The following SUMF1 variants were observed in gnomAD, a reference collection of about 807,000 sequenced individuals.
SUMF1 encodes sulfatase modifying factor 1.
Under a neutral mutation model 47.6 loss-of-function variants are expected in SUMF1, and 48 were observed. The ratio of observed to expected loss-of-function variants is 1.01; its 90% CI spans 0.80 to 1.28. The LOEUF (loss-of-function observed/expected upper bound fraction) is 1.28. SUMF1 is among the 50% of genes most tolerant of loss of function. The pLI, the probability that SUMF1 is intolerant of heterozygous loss-of-function variation, is 0.00. For synonymous variants in SUMF1, 230 were observed against 192.1 expected (o/e 1.20, Z -1.63); for missense variants, 571 against 485.4 (o/e 1.18, Z -1.66).
chr3:4,089,523 T>C (rs1465658312), intron 8 of SUMF1, among the ~76,000 whole-genome samples: 1 of 152,164 alleles, frequency 6.6e-6, no homozygotes, highest in East Asian at 1.9e-4. Flanking sequence ...TCTTTGTCTA[T>C]TTTCCCAATG....
chr3:4,345,610 G>A (rs978239652), intron 8 of SUMF1, among the ~76,000 whole-genome samples: 5 of 152,280 alleles, frequency 3.3e-5, no homozygotes, highest in Non-Finnish European at 2.9e-5. Context: ...ATGACACTAC[G>A]AAGAAACTGC....
chr3:4,350,877 C>T (rs1699485754), intron 8 of SUMF1, among the ~76,000 whole-genome samples: 1 of 151,984 alleles, frequency 6.6e-6, no homozygotes, highest in Non-Finnish European at 1.5e-5. Flanking sequence ...TCCTAGCCTT[C>T]CCAAATCCAC....
At chr3:4,256,439 T>C (rs372889140) in intron 8 of SUMF1, among the ~76,000 whole-genome samples, 13 of 143,012 alleles carry the variant, frequency 9.1e-5, no homozygotes, top group East Asian at 6.0e-4. Flanking sequence ...GGGATATCAC[T>C]ACCGATCCCA....
intron 8 of SUMF1, among the ~76,000 whole-genome samples, chr3:4,142,207 T>C (rs138428966): frequency 1.1e-3 from 174 of 152,242 alleles, no homozygotes; most frequent in Non-Finnish European, 5.9e-5. Context: ...TTCTCTATTG[T>C]TGAGAAACAG....
intron 8 of SUMF1, among the ~76,000 whole-genome samples, chr3:4,092,618 T>C (rs1405636017): frequency 6.6e-6 from 1 of 152,146 alleles, no homozygotes; most frequent in Non-Finnish European, 1.5e-5. Context: ...TAAAGACTCA[T>C]ACAAGAAAAA....
chr3:4,037,231 G>C (rs1694817202), intron 9 of SUMF1, among the ~76,000 whole-genome samples: 1 of 152,122 alleles, frequency 6.6e-6, no homozygotes, highest in African/African-American at 2.4e-5. Flanking sequence ...ACATAGCAAA[G>C]ATAAAATTGA....
chr3:4,232,453 G>A (rs1451126674), intron 8 of SUMF1, among the ~76,000 whole-genome samples: 1 of 152,078 alleles, frequency 6.6e-6, no homozygotes, highest in Non-Finnish European at 1.5e-5. Flanking sequence ...CCAAGAGAAG[G>A]AGGCTCTGTG....
At chr3:4,252,797 A>G in intron 8 of SUMF1, among the ~76,000 whole-genome samples, 1 of 152,174 alleles carries the variant, frequency 6.6e-6, no homozygotes. Context: ...AAAAACTGCA[A>G]ATGGTCTGAC....
intron 8 of SUMF1, among the ~76,000 whole-genome samples, chr3:4,239,936 C>T (rs570877514): frequency 4.9e-4 from 74 of 152,054 alleles, no homozygotes; most frequent in Middle Eastern, 6.8e-3. Context: ...TTTTGAGACG[C>T]ATTCCATCCA....
In SUMF1 at chr3:4,418,057, G is replaced by A. The variant is rs1357719246; in HGVS notation, c.678C>T (p.Pro226=). ...AYCTWAGKRL[P]TEAEWEYSCR... is the part of the protein sequence containing the mutation. ...AGCTGTATTCCCACTCAGCTTCCGT[G>A]GGCAGCCGCTTCCCTGCCCAAGTGC... Residue 226 remains proline (P), a synonymous_variant, in exon 5 of 9, where the codon CCC becomes CCT. Transcript: ENST00000272902. 6.2e-7 allele frequency: 1 copy of A among 1,614,042 alleles called. No individual in the cohort carries two copies. The highest frequency in any genetic ancestry group is 8.5e-7 in the Non-Finnish European group (1 of 1,180,026).
At chr3:4,466,707 T>A (rs900467163) in intron 1 of SUMF1, among the ~76,000 whole-genome samples, 4 of 152,138 alleles carry the variant, frequency 2.6e-5, no homozygotes, top group Non-Finnish European at 5.9e-5. Flanking sequence ...AATTATGAGA[T>A]CCTCATTAAG....
At chr3:4,281,505 C>A (rs1039990205) in intron 8 of SUMF1, among the ~76,000 whole-genome samples, 2 of 152,084 alleles carry the variant, frequency 1.3e-5, no homozygotes, top group African/African-American at 2.4e-5. Context: ...AACTGAGATT[C>A]TCAAGTTTAA....
chr3:4,256,360 G>C (rs1330109041), intron 8 of SUMF1, among the ~76,000 whole-genome samples: 1 of 105,386 alleles, frequency 9.5e-6, no homozygotes, highest in Non-Finnish European at 2.1e-5. Flanking sequence ...AAAATTGATA[G>C]ACCACTAGCA....
chr3:4,224,425 T>C (rs1456459751), intron 8 of SUMF1, among the ~76,000 whole-genome samples: 4 of 152,028 alleles, frequency 2.6e-5, no homozygotes, highest in Non-Finnish European at 5.9e-5. Flanking sequence ...CTAGCATATT[T>C]TCCCCATCTC....
chr3:4,329,028 T>C (rs1698999125), intron 8 of SUMF1, among the ~76,000 whole-genome samples: 1 of 152,244 alleles, frequency 6.6e-6, no homozygotes, highest in Non-Finnish European at 1.5e-5. Context: ...TTTGACTTCA[T>C]GTCTCACATC....
At chr3:4,162,539 G>A (rs927760284) in intron 8 of SUMF1, among the ~76,000 whole-genome samples, 3 of 152,140 alleles carry the variant, frequency 2.0e-5, no homozygotes, top group African/African-American at 4.8e-5. Flanking sequence ...TGCTTCCTCC[G>A]TGGACATCAG....
chr3:4,212,869 A>G (rs1400279842), intron 8 of SUMF1, among the ~76,000 whole-genome samples: 2 of 152,172 alleles, frequency 1.3e-5, no homozygotes. Context: ...AGAAAAAATT[A>G]TAAAAACGAA....
At chr3:4,037,037 G>A (rs1424026439) in intron 9 of SUMF1, among the ~76,000 whole-genome samples, 1 of 151,954 alleles carries the variant, frequency 6.6e-6, no homozygotes, top group African/African-American at 2.4e-5. Context: ...AAATCAGAAA[G>A]GTGTATCACC....
intron 3 of SUMF1, among the ~76,000 whole-genome samples, chr3:4,423,274 T>C (rs910564504): frequency 9.1e-6 from 1 of 110,072 alleles, no homozygotes; most frequent in Admixed American, 1.0e-4. Flanking sequence ...ATAAAGAAAC[T>C]GTGATACACA....
Sources: gnomAD v4.1 joint callset for allele counts (sites outside exome capture counted in the v4.1 genomes callset) on GRCh38, gnomAD v4.1.1 for gene constraint, MANE v1.5 for transcripts, NCBI Gene and HGNC (gene_info 2026-07-23, HGNC 2026-07-21) for gene names.